CACHD1: variants seen among roughly 807,000 people sequenced by gnomAD.
CACHD1 encodes the protein VWFA and cache domain-containing protein 1.
A neutral mutation model predicts 138.7 loss-of-function variants in CACHD1; 71 were observed. The ratio of observed to expected loss-of-function variants is 0.51; its 90% CI spans 0.42 to 0.62. The LOEUF (loss-of-function observed/expected upper bound fraction) is 0.62, where lower values mean the gene tolerates loss of function less well. Among genes scored for constraint, CACHD1 ranks in the 20% least tolerant of loss-of-function variants. The pLI, the probability that CACHD1 is intolerant of heterozygous loss-of-function variation, is 0.00. For synonymous variants in CACHD1, 578 were observed against 591.5 expected, an observed-to-expected ratio of 0.98 and a Z score of 0.33; for missense variants, 1,389 against 1,625.3, an observed-to-expected ratio of 0.85 and a Z score of 2.50.
chr1:64,576,815 C>A (rs752028294), intron 2 of CACHD1, among the ~76,000 whole-genome samples: 1 of 152,132 alleles, frequency 6.6e-6, no homozygotes, highest in Non-Finnish European at 1.5e-5. Flanking sequence ...CCAACAAAAA[C>A]CCCTTGAGTA....
intron 8 of CACHD1, among the ~76,000 whole-genome samples, chr1:64,647,101 G>C (rs1648932827): frequency 6.6e-6 from 1 of 150,778 alleles, no homozygotes; most frequent in Non-Finnish European, 1.5e-5. Context: ...TTACTTTTGT[G>C]CTATAAATTA....
chr1:64,638,478 A>G (rs1024775665), intron 7 of CACHD1, among the ~76,000 whole-genome samples: 3 of 152,202 alleles, frequency 2.0e-5, no homozygotes, highest in East Asian at 1.9e-4. Flanking sequence ...CTTTTGTCCA[A>G]TTCTGACCCT....
chr1:64,515,062 T>C (rs1205049011), intron 1 of CACHD1, among the ~76,000 whole-genome samples: 1 of 152,178 alleles, frequency 6.6e-6, no homozygotes, highest in Non-Finnish European at 1.5e-5. Context: ...CTGCATACAG[T>C]ATTGGATTAT....
chr1:64,580,021 C>A (rs776596003), intron 2 of CACHD1: 8 of 152,100 alleles, frequency 5.3e-5, no homozygotes, highest in Non-Finnish European at 1.2e-4. Context: ...TGCTCTGACA[C>A]CCTCTACTGC....
chr1:64,487,072 A>C (rs1646247107), intron 1 of CACHD1, among the ~76,000 whole-genome samples: 1 of 152,162 alleles, frequency 6.6e-6, no homozygotes, highest in Non-Finnish European at 1.5e-5. Flanking sequence ...GCACTGAAGA[A>C]AGGTGGGAAT....
intron 2 of CACHD1, among the ~76,000 whole-genome samples, chr1:64,556,934 C>T (rs1036947036): frequency 5.9e-5 from 9 of 152,036 alleles, no homozygotes; most frequent in East Asian, 3.9e-4. Context: ...CTGGCTAACA[C>T]GGTGAAACCC....
intron 8 of CACHD1, among the ~76,000 whole-genome samples, chr1:64,645,869 T>C (rs1648884788): frequency 6.6e-6 from 1 of 152,194 alleles, no homozygotes; most frequent in Admixed American, 6.5e-5. Flanking sequence ...CACTTCTTAC[T>C]GTCCCCTAAA....
At chr1:64,623,742 A>C (rs1647998157) in intron 4 of CACHD1, among the ~76,000 whole-genome samples, 1 of 152,190 alleles carries the variant, frequency 6.6e-6, no homozygotes, top group Non-Finnish European at 1.5e-5. Context: ...TTCACTGAGG[A>C]AAAAACCATT....
intron 1 of CACHD1, among the ~76,000 whole-genome samples, chr1:64,486,348 G>A (rs1050238879): frequency 1.1e-4 from 13 of 120,574 alleles, no homozygotes; most frequent in African/African-American, 3.8e-4. Flanking sequence ...TTGAGAGCGC[G>A]CGCACACACA....
At chr1:64,643,400 A>G (rs982603542) in intron 8 of CACHD1, among the ~76,000 whole-genome samples, 3 of 152,244 alleles carry the variant, frequency 2.0e-5, no homozygotes, top group Non-Finnish European at 2.9e-5. Flanking sequence ...CGTTTGGCTT[A>G]TGGCAAGTTA....
At chr1:64,580,740 A>T (rs1647005379) in intron 2 of CACHD1, among the ~76,000 whole-genome samples, 1 of 152,162 alleles carries the variant, frequency 6.6e-6, no homozygotes, top group South Asian at 2.1e-4. Flanking sequence ...TGTCCTGTGC[A>T]TTGTAGGATG....
At chr1:64,526,720 A>G (rs139940510) in intron 1 of CACHD1, among the ~76,000 whole-genome samples, 2 of 152,342 alleles carry the variant, frequency 1.3e-5, no homozygotes, top group Admixed American at 6.5e-5. Context: ...AGAAACCTGT[A>G]CTTTTCCTTC....
chr1:64,671,498 C>T, intron 16 of CACHD1, 66 bp from the exon 17 acceptor site: 2 of 1,557,184 alleles, frequency 1.3e-6, no homozygotes, highest in Admixed American at 3.3e-5. Context: ...GTCCCTGTGA[C>T]TGAACATAGC....
At chr1:64,473,589 A>T (rs1646158082) in intron 1 of CACHD1, among the ~76,000 whole-genome samples, 1 of 151,624 alleles carries the variant, frequency 6.6e-6, no homozygotes, top group Non-Finnish European at 1.5e-5. Context: ...GGAGAGGGGG[A>T]TAGTTGTGTC....
intron 7 of CACHD1, among the ~76,000 whole-genome samples, chr1:64,634,995 CAAA>C (rs71056059): frequency 4.7e-5 from 3 of 63,872 alleles, no homozygotes; most frequent in South Asian, 9.6e-4. Flanking sequence ...GACTCTGTCT[CAAA>C]AAAAAAAAAA....
At chr1:64,622,593 A>G (rs534335313) in intron 4 of CACHD1, among the ~76,000 whole-genome samples, 2 of 152,296 alleles carry the variant, frequency 1.3e-5, no homozygotes, top group South Asian at 4.1e-4. Context: ...ATACTCAGTA[A>G]GTTTTTTATC....
chr1:64,638,984 G>A (rs1315741089), intron 7 of CACHD1, among the ~76,000 whole-genome samples: 1 of 152,200 alleles, frequency 6.6e-6, no homozygotes, highest in Non-Finnish European at 1.5e-5. Context: ...TTGTTGGAAT[G>A]GAAAGAAAAT....
chr1:64,472,907 G>T (rs1460827296), intron 1 of CACHD1, among the ~76,000 whole-genome samples: 1 of 151,354 alleles, frequency 6.6e-6, no homozygotes, highest in African/African-American at 2.4e-5. Context: ...CTTTTTCTAA[G>T]ATGCTGACAG....
At chr1:64,689,434 GATA>G (rs1650473471) in intron 26 of CACHD1, among the ~76,000 whole-genome samples, 1 of 152,028 alleles carries the variant, frequency 6.6e-6, no homozygotes. Flanking sequence ...CCACCACTGA[GATA>G]GCTTTTAAAT....
Sources: gnomAD v4.1 joint callset for allele counts (sites outside exome capture counted in the v4.1 genomes callset) on GRCh38, gnomAD v4.1.1 for gene constraint, MANE v1.5 for transcripts, NCBI Gene and HGNC (gene_info 2026-07-23, HGNC 2026-07-21) for gene names.